The following ROBO1 variants were observed in gnomAD, a reference collection of about 807,000 sequenced individuals.
ROBO1 encodes roundabout guidance receptor 1.
Under a neutral mutation model 195.9 loss-of-function variants are expected in ROBO1, and 149 were observed. The ratio of observed to expected loss-of-function variants is 0.76; its 90% confidence interval spans 0.67 to 0.87. The LOEUF is 0.87. ROBO1 is among the 40% of genes least tolerant of loss of function. The pLI, the probability that ROBO1 is intolerant of heterozygous loss-of-function variation, is 0.00. For synonymous variants in ROBO1, 816 were observed against 733.2 expected, an observed-to-expected ratio of 1.11 and a Z score of -1.82; for missense variants, 1,933 against 2,068.3, an observed-to-expected ratio of 0.93 and a Z score of 1.27.
At chr3:79,472,887 GTTC>G (rs1214329955) in intron 2 of ROBO1, among the ~76,000 whole-genome samples, 3 of 152,088 alleles carry the variant, frequency 2.0e-5, no homozygotes, top group Middle Eastern at 3.2e-3. Flanking sequence ...GGGTTAGAAA[GTTC>G]TTCTTGAAAG....
chr3:79,159,178 G>C (rs1477803155), intron 2 of ROBO1, among the ~76,000 whole-genome samples: 1 of 151,982 alleles, frequency 6.6e-6, no homozygotes, highest in Non-Finnish European at 1.5e-5. Context: ...ATCTTAGTAA[G>C]TGATTTGGCC....
At chr3:79,331,739 T>C (rs184514723) in intron 2 of ROBO1, among the ~76,000 whole-genome samples, 1 of 152,316 alleles carries the variant, frequency 6.6e-6, no homozygotes, top group Non-Finnish European at 1.5e-5. Flanking sequence ...ATTTGGACTC[T>C]AAATAAACTC....
At chr3:79,240,782 C>T (rs1344200487) in intron 2 of ROBO1, among the ~76,000 whole-genome samples, 2 of 152,028 alleles carry the variant, frequency 1.3e-5, no homozygotes, top group Non-Finnish European at 2.9e-5. Flanking sequence ...CCTGGGACTA[C>T]AGGCATGTGC....
intron 2 of ROBO1, among the ~76,000 whole-genome samples, chr3:79,519,081 T>C (rs1941080561): frequency 6.6e-6 from 1 of 152,108 alleles, no homozygotes; most frequent in Non-Finnish European, 1.5e-5. Flanking sequence ...TCTTCCTGAA[T>C]GCTTCTCGTT....
At chr3:79,456,240 T>C (rs150417968) in intron 2 of ROBO1, among the ~76,000 whole-genome samples, 1 of 152,300 alleles carries the variant, frequency 6.6e-6, no homozygotes, top group East Asian at 1.9e-4. Context: ...CATTTGGTCC[T>C]TTATAACAGT....
chr3:79,633,556 T>C (rs150754207), intron 1 of ROBO1, among the ~76,000 whole-genome samples: 22 of 152,136 alleles, frequency 1.4e-4, no homozygotes, highest in African/African-American at 5.1e-4. Flanking sequence ...TTAGTGTTAA[T>C]TACTGTTAGT....
intron 4 of ROBO1, among the ~76,000 whole-genome samples, chr3:78,822,189 A>G (rs2031066325): frequency 6.6e-6 from 1 of 152,142 alleles, no homozygotes; most frequent in African/African-American, 2.4e-5. Flanking sequence ...GCACAGTACA[A>G]GCATGGGGAC....
At chr3:79,662,716 C>T (rs1946365507) in intron 1 of ROBO1, among the ~76,000 whole-genome samples, 1 of 152,052 alleles carries the variant, frequency 6.6e-6, no homozygotes. Flanking sequence ...GACCCCACCA[C>T]CATCATCATT....
chr3:79,538,939 C>T (rs191876117), intron 2 of ROBO1, among the ~76,000 whole-genome samples: 1 of 152,146 alleles, frequency 6.6e-6, no homozygotes. Flanking sequence ...ATTGAATTTC[C>T]GTGCATAGCA....
chr3:79,302,897 T>G (rs947702244), intron 2 of ROBO1, among the ~76,000 whole-genome samples: 3 of 152,232 alleles, frequency 2.0e-5, no homozygotes, highest in African/African-American at 7.2e-5. Flanking sequence ...ACATTAACTA[T>G]AGAAAAATTT....
chr3:78,804,581 C>T (rs72894431), intron 4 of ROBO1, among the ~76,000 whole-genome samples: 3,158 of 151,978 alleles, frequency 0.021, 101 homozygotes, highest in African/African-American at 0.072. Flanking sequence ...CCATCATCCC[C>T]CACTTCTTTT....
At chr3:79,083,390 G>T (rs934547345) in intron 3 of ROBO1, among the ~76,000 whole-genome samples, 8 of 152,130 alleles carry the variant, frequency 5.3e-5, no homozygotes, top group Admixed American at 5.2e-4. Context: ...ATAATTCATT[G>T]TTGTGCTATA....
intron 2 of ROBO1, among the ~76,000 whole-genome samples, chr3:79,137,210 A>G (rs1254528445): frequency 6.6e-6 from 1 of 152,070 alleles, no homozygotes; most frequent in Non-Finnish European, 1.5e-5. Context: ...TCTGTTTTCA[A>G]ACAAAATGTT....
intron 2 of ROBO1, among the ~76,000 whole-genome samples, chr3:79,521,288 A>C (rs1456187460): frequency 1.3e-5 from 2 of 152,236 alleles, no homozygotes; most frequent in Non-Finnish European, 2.9e-5. Flanking sequence ...CTGACTATTT[A>C]TCAAGAAAAT....
intron 2 of ROBO1, among the ~76,000 whole-genome samples, chr3:79,497,783 AT>A (rs1483050421): frequency 6.6e-6 from 1 of 152,084 alleles, no homozygotes; most frequent in African/African-American, 2.4e-5. Flanking sequence ...ACAAATTAAT[AT>A]TTTTCTTTTA....
At chr3:78,889,728 AC>A (rs1269759203) in intron 4 of ROBO1, among the ~76,000 whole-genome samples, 1 of 151,824 alleles carries the variant, frequency 6.6e-6, no homozygotes, top group Non-Finnish European at 1.5e-5. Context: ...AAAAAAAAAA[AC>A]GAGTGGGGAA....
At chr3:79,063,173 C>T (rs1361554085) in intron 3 of ROBO1, among the ~76,000 whole-genome samples, 1 of 151,740 alleles carries the variant, frequency 6.6e-6, no homozygotes, top group African/African-American at 2.4e-5. Context: ...GTTCCCATAA[C>T]ATTTTATGTA....
chr3:79,011,573 C>A (rs1034754069), intron 3 of ROBO1, among the ~76,000 whole-genome samples: 1 of 151,784 alleles, frequency 6.6e-6, no homozygotes, highest in African/African-American at 2.4e-5. Context: ...CACGTTAGTG[C>A]AGAGAAGCTA....
chr3:79,387,268 T>C (rs1272167276), intron 2 of ROBO1, among the ~76,000 whole-genome samples: 2 of 151,926 alleles, frequency 1.3e-5, no homozygotes. Flanking sequence ...AAAATGACAG[T>C]AGCAAAAAAT....
Sources: gnomAD v4.1 joint callset for allele counts (sites outside exome capture counted in the v4.1 genomes callset) on GRCh38, gnomAD v4.1.1 for gene constraint, MANE v1.5 for transcripts, NCBI Gene and HGNC (gene_info 2026-07-23, HGNC 2026-07-21) for gene names.